The following CDH18 variants were observed in gnomAD, a reference collection of about 807,000 sequenced individuals.
The protein encoded by CDH18 is cadherin-18.
A neutral mutation model predicts 67.9 loss-of-function variants in CDH18; 31 were observed. The ratio of observed to expected loss-of-function variants is 0.46; its 90% CI spans 0.34 to 0.62. The LOEUF (loss-of-function observed/expected upper bound fraction) is 0.62. Among genes scored for constraint, CDH18 ranks in the 20% least tolerant of loss-of-function variants. The pLI, the probability that CDH18 is intolerant of heterozygous loss-of-function variation, is 0.01. For missense variants in CDH18, 890 were observed against 975.5 expected, an observed-to-expected ratio of 0.91 and a Z score of 1.17; for synonymous variants, 362 against 347.2, an observed-to-expected ratio of 1.04 and a Z score of -0.48.
intron 10 of CDH18, among the ~76,000 whole-genome samples, chr5:19,518,642 C>A (rs1466604): frequency 0.099 from 15,076 of 152,112 alleles, 1,004 homozygotes; most frequent in Non-Finnish European, 0.13. Context: ...AGACTCCATG[C>A]TCTTCAGATT....
At chr5:20,319,385 C>T (rs1737781627) in intron 1 of CDH18, among the ~76,000 whole-genome samples, 1 of 152,162 alleles carries the variant, frequency 6.6e-6, no homozygotes, top group African/African-American at 2.4e-5. Context: ...AAACCTATCA[C>T]TGGACACTTC....
chr5:20,371,774 G>C (rs546150614), intron 1 of CDH18, among the ~76,000 whole-genome samples: 1 of 152,186 alleles, frequency 6.6e-6, no homozygotes, highest in Non-Finnish European at 1.5e-5. Context: ...CGGGTGATGG[G>C]ATTCAGAAGA....
intron 3 of CDH18, among the ~76,000 whole-genome samples, chr5:19,770,389 T>C (rs541269929): frequency 3.9e-5 from 6 of 152,152 alleles, no homozygotes; most frequent in African/African-American, 7.2e-5. Context: ...GTATAAAATA[T>C]AGACATTCAG....
chr5:19,477,457 GAACA>G (rs1431019584), intron 12 of CDH18, among the ~76,000 whole-genome samples: 1 of 151,724 alleles, frequency 6.6e-6, no homozygotes, highest in Non-Finnish European at 1.5e-5. Context: ...GAATTACCCT[GAACA>G]GTAATAGCCT....
chr5:20,485,500 T>A (rs1438746174), intron 1 of CDH18, among the ~76,000 whole-genome samples: 3 of 152,194 alleles, frequency 2.0e-5, no homozygotes, highest in African/African-American at 7.2e-5. Flanking sequence ...ATACAGTTTT[T>A]GTGCATTATA....
intron 6 of CDH18, among the ~76,000 whole-genome samples, chr5:19,599,679 G>A (rs1044847221): frequency 1.3e-5 from 2 of 152,102 alleles, no homozygotes; most frequent in African/African-American, 4.8e-5. Context: ...GAGGCGGGCA[G>A]ATCACGAGAT....
Position 20,141,394 on chromosome 5 carries a change from T to C in CDH18, c.-518+114050A>G, listed in dbSNP as rs112114176. Among the ~76,000 whole-genome samples the C allele has an allele frequency of 2.2e-3, 339 of 152,184 alleles. 1 individual carries two copies. Among genetic ancestry groups the C allele is most frequent in the African/African-American group, 7.6e-3 (317 of 41,538 alleles). The stretch of plus-strand genomic sequence containing the variant: ...CCTGTACTAACATTTTATTCATAGA[T>C]GTAGAAATGAGGTTTAGATATGAAC... On this transcript the variant is annotated intron_variant, in intron 2 of 14. Transcript: ENST00000507958.
intron 5 of CDH18, among the ~76,000 whole-genome samples, chr5:19,656,548 TC>T (rs1196063555): frequency 6.6e-6 from 1 of 152,084 alleles, no homozygotes; most frequent in Non-Finnish European, 1.5e-5. Flanking sequence ...AGAAAATTAT[TC>T]CAGCTGAACT....
chr5:19,751,512 A>T (rs1770839136), intron 3 of CDH18, among the ~76,000 whole-genome samples: 1 of 152,234 alleles, frequency 6.6e-6, no homozygotes, highest in Non-Finnish European at 1.5e-5. Flanking sequence ...ATGTGACACA[A>T]TGTGAAAGAA....
At chr5:19,967,072 A>C (rs563839327) in intron 2 of CDH18, among the ~76,000 whole-genome samples, 1 of 152,076 alleles carries the variant, frequency 6.6e-6, no homozygotes, top group African/African-American at 2.4e-5. Flanking sequence ...CTGAAGCAGT[A>C]TGCACTACAC....
chr5:20,009,273 A>G (rs1181128537), intron 2 of CDH18, among the ~76,000 whole-genome samples: 2 of 151,974 alleles, frequency 1.3e-5, no homozygotes, highest in Middle Eastern at 3.2e-3. Flanking sequence ...TTTCACATTG[A>G]CCGGTCTACA....
At chr5:20,326,934 G>A (rs576076944) in intron 1 of CDH18, among the ~76,000 whole-genome samples, 1 of 152,156 alleles carries the variant, frequency 6.6e-6, no homozygotes, top group Non-Finnish European at 1.5e-5. Flanking sequence ...ACTACTTTCT[G>A]TAAATGACAG....
At chr5:19,830,753 C>A (rs972820211) in intron 3 of CDH18, among the ~76,000 whole-genome samples, 2 of 152,008 alleles carry the variant, frequency 1.3e-5, no homozygotes. Flanking sequence ...TGTCACTGCA[C>A]CATTAACAAT....
chr5:19,529,875 T>C (rs921483538), intron 9 of CDH18, among the ~76,000 whole-genome samples: 1 of 152,236 alleles, frequency 6.6e-6, no homozygotes, highest in African/African-American at 2.4e-5. Context: ...TGCTCCCAAA[T>C]TGAAACTTAG....
chr5:19,854,301 G>A (rs987714411), intron 2 of CDH18, among the ~76,000 whole-genome samples: 3 of 152,152 alleles, frequency 2.0e-5, no homozygotes, highest in South Asian at 2.1e-4. Context: ...ACCCTTACAC[G>A]GGGCTTATAG....
chr5:20,149,501 C>T (rs1750932463), intron 2 of CDH18, among the ~76,000 whole-genome samples: 1 of 152,100 alleles, frequency 6.6e-6, no homozygotes, highest in South Asian at 2.1e-4. Context: ...GTATTACTAA[C>T]ACTGCTATCA....
chr5:20,534,150 C>T (rs1274810391), intron 1 of CDH18, among the ~76,000 whole-genome samples: 2 of 152,024 alleles, frequency 1.3e-5, no homozygotes, highest in African/African-American at 4.8e-5. Flanking sequence ...GCAGATCACA[C>T]ATTTGCAAAT....
At chr5:19,730,765 T>C (rs1457638815) in intron 4 of CDH18, among the ~76,000 whole-genome samples, 7 of 20,798 alleles carry the variant, frequency 3.4e-4, no homozygotes, top group Admixed American at 8.1e-4. Context: ...AAGTATTAAA[T>C]GGTAAAAAAA....
At chr5:20,534,410 G>T (rs1412061900) in intron 1 of CDH18, among the ~76,000 whole-genome samples, 1 of 151,910 alleles carries the variant, frequency 6.6e-6, no homozygotes, top group Admixed American at 6.6e-5. Context: ...ATATATTTTT[G>T]AAATGAAATG....
Sources: allele counts gnomAD v4.1 joint callset (sites outside exome capture counted in the v4.1 genomes callset), GRCh38; gene constraint gnomAD v4.1.1; transcripts MANE v1.5; gene names NCBI Gene and HGNC (gene_info 2026-07-23, HGNC 2026-07-21).